RPS20: variants seen among roughly 807,000 people sequenced by gnomAD.
The protein encoded by RPS20 is small ribosomal subunit protein uS10.
A neutral mutation model predicts 15.3 loss-of-function variants in RPS20; 3 were observed. That is an observed-to-expected ratio of 0.20 (90% confidence interval 0.09 to 0.51). The LOEUF is 0.51. Ranked by LOEUF, RPS20 falls within the 20% of genes least tolerant of loss-of-function variation. The pLI, the probability that RPS20 is intolerant of heterozygous loss-of-function variation, is 0.96. For synonymous variants in RPS20, 62 were observed against 47.8 expected (o/e 1.30, Z -1.23); for missense variants, 67 against 145.9 (o/e 0.46, Z 2.79).
At chr8:56,071,071 A>G (rs1348648623), downstream of RPS20, among the ~76,000 whole-genome samples, 1 of 152,206 alleles carries the variant, frequency 6.6e-6, no homozygotes, top group Non-Finnish European at 1.5e-5. Flanking sequence ...TTTTAGTGCT[A>G]TTTTAGCTGT....
chr8:56,069,704 T>C (rs1363192560), downstream of RPS20: 6 of 1,546,792 alleles, frequency 3.9e-6, no homozygotes, highest in East Asian at 9.8e-5. Flanking sequence ...CACTTATACC[T>C]GCTTGGTCAC....
downstream of RPS20, among the ~76,000 whole-genome samples, chr8:56,068,807 C>CTTTTTTTTTT (rs61576194): frequency 2.6e-3 from 72 of 27,688 alleles, 24 homozygotes; most frequent in East Asian, 6.3e-3. Flanking sequence ...GTGAAAATAT[C>CTTTTTTTTTT]TTTTTTTTTT....
chr8:56,068,172 G>A (rs769494976), downstream of RPS20: 1 of 152,104 alleles, frequency 6.6e-6, no homozygotes, highest in South Asian at 2.1e-4. Context: ...CTACTTTTGT[G>A]TATGTTTGAA....
downstream of RPS20, among the ~76,000 whole-genome samples, chr8:56,069,296 G>T (rs1356665355): frequency 6.6e-6 from 1 of 151,902 alleles, no homozygotes; most frequent in Non-Finnish European, 1.5e-5. Context: ...AGACTGGAGT[G>T]CAGTGGACTC....
downstream of RPS20, chr8:56,069,799 G>C (rs902385866): frequency 3.1e-5 from 48 of 1,548,060 alleles, no homozygotes; most frequent in Non-Finnish European, 9.6e-6. Context: ...CTGGCCCTCT[G>C]TATCCATGGG....
chr8:56,072,570 G>A (rs1180246163), downstream of RPS20, among the ~76,000 whole-genome samples: 19 of 146,324 alleles, frequency 1.3e-4, no homozygotes, highest in Middle Eastern at 3.5e-3. Flanking sequence ...AAAAAAAAAA[G>A]TGAAAATTTT....
At chr8:56,070,800 G>A (rs1367866840), downstream of RPS20, among the ~76,000 whole-genome samples, 1 of 151,672 alleles carries the variant, frequency 6.6e-6, no homozygotes, top group Non-Finnish European at 1.5e-5. Flanking sequence ...TGTTCCCTTG[G>A]TTATTGCTAG....
At chr8:56,067,329 T>C (rs1215608132) in exon 6 of RPS20, 1 of 152,162 alleles carries the variant, frequency 6.6e-6, no homozygotes, top group Admixed American at 6.6e-5. Flanking sequence ...GTCCAACAGA[T>C]GAATGAATTT....
At position 56,074,374 on chromosome 8, in the gene RPS20, G is replaced by A. The variant is rs1809872875; in HGVS notation, c.3+7C>T. 6 of 1,557,892 alleles carry A rather than the reference G, an allele frequency of 3.9e-6. No homozygotes were observed. In the African/African-American group the frequency reaches 4.1e-5, roughly 11 times the overall value. On this transcript the variant is annotated splice_region_variant and intron_variant, in intron 1 of 3. Coordinates refer to ENST00000009589, the MANE Select transcript of RPS20 (RefSeq NM_001023.4). Reference sequence around the variant, plus strand: ...GTTGCGCCGCCCGCCGCCGACTGCCGCCTCACCATGGCTGTTGCGCGCGGG... The same window carrying A: ...GTTGCGCCGCCCGCCGCCGACTGCCACCTCACCATGGCTGTTGCGCGCGGG...
chr8:56,074,478 GC>G lies in RPS20; in HGVS notation c.-96del. 4 of 1,388,728 alleles carry G rather than the reference GC, an allele frequency of 2.9e-6. No individual in the cohort carries two copies. Among genetic ancestry groups the G allele is most frequent in the South Asian group, 2.5e-5 (2 of 79,568 alleles). 86.0% of individuals were successfully genotyped at this position (1,388,728 alleles called of 1,614,324 possible). On this transcript the variant is annotated 5_prime_UTR_variant, in exon 1 of 4. Coordinates refer to ENST00000009589, the MANE Select transcript of RPS20 (RefSeq NM_001023.4). ...GGAGCGTGCGGACCAAAAATCCTCA[GC>G]CCTTACGACCGCGTCTTCCTCAAAA...
downstream of RPS20, chr8:56,072,817 C>CGTAT (rs1809801920): frequency 9.0e-7 from 1 of 1,112,228 alleles, no homozygotes. Context: ...CACCCCATAC[C>CGTAT]AATCAGAATT....
chr8:56,068,532 T>TAAAAAAA (rs377676613), downstream of RPS20: 1 of 73,000 alleles, frequency 1.4e-5, no homozygotes, highest in African/African-American at 5.9e-5. Flanking sequence ...AGAAAGACTC[T>TAAAAAAA]AAAAAAAAAA....
At chr8:56,070,708 G>C (rs989200527), downstream of RPS20, among the ~76,000 whole-genome samples, 3 of 147,494 alleles carry the variant, frequency 2.0e-5, no homozygotes, top group Non-Finnish European at 4.5e-5. Flanking sequence ...CAACCTGGGT[G>C]ACACAGCGAG....
At chr8:56,073,891 C>T (rs1434966551) in intron 2 of RPS20, 123 bp from the exon 3 acceptor site, 2 of 1,093,214 alleles carry the variant, frequency 1.8e-6, no homozygotes, top group African/African-American at 1.5e-5. Context: ...ATAGGTACCT[C>T]CTCATCGCCA....
At chr8:56,069,681 T>G, downstream of RPS20, 1 of 1,427,522 alleles carries the variant, frequency 7.0e-7, no homozygotes. Flanking sequence ...CACTTCAGCT[T>G]TGGCTGTTTC....
chr8:56,072,636 C>T (rs1316635563), downstream of RPS20, among the ~76,000 whole-genome samples: 1 of 151,160 alleles, frequency 6.6e-6, no homozygotes, highest in Admixed American at 6.6e-5. Flanking sequence ...AGTTTTAGTT[C>T]CTAAAACCCT....
downstream of RPS20, chr8:56,072,890 A>G: frequency 2.3e-6 from 3 of 1,324,754 alleles, no homozygotes; most frequent in Non-Finnish European, 2.9e-6. Context: ...GGTCTCACAT[A>G]TTATGTAGTT....
downstream of RPS20, among the ~76,000 whole-genome samples, chr8:56,071,785 T>C (rs1352242055): frequency 6.6e-6 from 1 of 152,092 alleles, no homozygotes; most frequent in African/African-American, 2.4e-5. Context: ...TAGGCCCAAA[T>C]CCAAAAAGAA....
At chr8:56,073,837 C>A (rs1361940641) in intron 2 of RPS20, 69 bp from the exon 3 acceptor site, 1 of 1,400,704 alleles carries the variant, frequency 7.1e-7, no homozygotes, top group South Asian at 1.2e-5. Flanking sequence ...TTCACTTCTG[C>A]TGGCTCAGAA....
Sources: gnomAD v4.1 joint callset for allele counts (sites outside exome capture counted in the v4.1 genomes callset) on GRCh38, gnomAD v4.1.1 for gene constraint, MANE v1.5 for transcripts, NCBI Gene and HGNC (gene_info 2026-07-23, HGNC 2026-07-21) for gene names.